MTFR1: variants seen among roughly 807,000 people sequenced by gnomAD.
The protein encoded by MTFR1 is chondrocyte protein with a poly-proline region.
Under a neutral mutation model 38.8 loss-of-function variants are expected in MTFR1, and 28 were observed. That is an observed-to-expected ratio of 0.72 (90% CI 0.53 to 0.99). MTFR1 has a LOEUF of 0.99. Ranked by LOEUF, MTFR1 falls within the 50% of genes least tolerant of loss-of-function variation. The probability of loss-of-function intolerance (pLI) is 0.00; values close to 1 mark genes in which losing one functional copy is unlikely to be tolerated. For synonymous variants in MTFR1, 145 were observed against 137.0 expected, an observed-to-expected ratio of 1.06 and a Z score of -0.41; for missense variants, 358 against 395.5, an observed-to-expected ratio of 0.91 and a Z score of 0.81.
At chr8:65,670,578 G>C (rs1804541941) in intron 2 of MTFR1, among the ~76,000 whole-genome samples, 1 of 152,066 alleles carries the variant, frequency 6.6e-6, no homozygotes, top group South Asian at 2.1e-4. Flanking sequence ...AGCAAGTATT[G>C]TGCCAAGTAC....
chr8:65,753,203 A>G (rs1808049037), intron 3 of MTFR1, among the ~76,000 whole-genome samples: 1 of 152,144 alleles, frequency 6.6e-6, no homozygotes, highest in South Asian at 2.1e-4. Flanking sequence ...CTGCTGTGCC[A>G]GTTTCCTTTT....
chr8:65,669,616 A>G (rs1196887797), intron 1 of MTFR1, among the ~76,000 whole-genome samples: 1 of 151,322 alleles, frequency 6.6e-6, no homozygotes, highest in African/African-American at 2.4e-5. Context: ...CAATGGCGCG[A>G]TCTTGGCTCA....
At chr8:65,681,038 G>T (rs1804869418) in intron 2 of MTFR1, among the ~76,000 whole-genome samples, 1 of 148,994 alleles carries the variant, frequency 6.7e-6, no homozygotes, top group Non-Finnish European at 1.5e-5. Context: ...TCAGCCTCCC[G>T]AGTAGCTGGG....
At chr8:65,674,241 G>T (rs1232693616) in intron 2 of MTFR1, among the ~76,000 whole-genome samples, 1 of 151,456 alleles carries the variant, frequency 6.6e-6, no homozygotes, top group Non-Finnish European at 1.5e-5. Flanking sequence ...CCTTTTAAAT[G>T]AATTTGATAC....
chr8:65,680,256 T>G (rs1442197424), intron 2 of MTFR1, among the ~76,000 whole-genome samples: 1 of 152,150 alleles, frequency 6.6e-6, no homozygotes, highest in Non-Finnish European at 1.5e-5. Flanking sequence ...CTGGAACTCC[T>G]GGGCTCAAGG....
intron 2 of MTFR1, among the ~76,000 whole-genome samples, chr8:65,680,249 G>A (rs1804837487): frequency 6.6e-6 from 1 of 151,976 alleles, no homozygotes; most frequent in Non-Finnish European, 1.5e-5. Context: ...CTGCAGCCTG[G>A]AACTCCTGGG....
intron 3 of MTFR1, among the ~76,000 whole-genome samples, chr8:65,738,429 C>A (rs1013235513): frequency 1.3e-5 from 2 of 152,118 alleles, no homozygotes; most frequent in African/African-American, 4.8e-5. Flanking sequence ...CTCCTATCCA[C>A]CTAAAGGACG....
At chr8:65,708,564 T>A (rs964906918) in intron 7 of MTFR1, among the ~76,000 whole-genome samples, 1 of 152,196 alleles carries the variant, frequency 6.6e-6, no homozygotes. Flanking sequence ...AATTGATACA[T>A]TCCCTTTATT....
intron 3 of MTFR1, chr8:65,689,621 C>A: frequency 7.9e-7 from 1 of 1,267,356 alleles, no homozygotes; most frequent in Non-Finnish European, 1.0e-6. Context: ...TTTTCTTTCT[C>A]AAACTTCCCA....
chr8:65,682,505 A>G (rs1804930055), intron 3 of MTFR1, 54 bp downstream of exon 3: 2 of 969,036 alleles, frequency 2.1e-6, no homozygotes, highest in Admixed American at 4.0e-5. Context: ...TTAGAAATAT[A>G]AATAGGCAAG....
rs553720308 is a variant in MTFR1 at position 65,667,651 on chromosome 8, C to T, written c.-80-2222C>T. On this transcript the variant is annotated intron_variant, in intron 1 of 7. Transcript: ENST00000262146. ...CCATGTTGGCCAGGCTGGTCTTGAA[C>T]TCCTGACTTCAGGCAATCTTCCTGC... is the stretch of plus-strand genomic sequence containing the variant. Among the ~76,000 whole-genome samples the T allele has an allele frequency of 2.3e-4, 35 of 152,250 alleles. 1 individual carries two copies. Among genetic ancestry groups the T allele is most frequent in the African/African-American group, 8.4e-4 (35 of 41,552 alleles).
intron 3 of MTFR1, among the ~76,000 whole-genome samples, chr8:65,688,678 T>A (rs963545197): frequency 2.7e-5 from 4 of 150,358 alleles, no homozygotes; most frequent in Admixed American, 6.6e-5. Flanking sequence ...TCTCCTGACC[T>A]CGTGATCCGC....
intron 3 of MTFR1, among the ~76,000 whole-genome samples, chr8:65,684,145 A>C (rs769219817): frequency 3.3e-4 from 51 of 152,306 alleles, no homozygotes; most frequent in Middle Eastern, 3.4e-3. Context: ...CAATGGACTG[A>C]AGTACTAGAG....
intron 3 of MTFR1, among the ~76,000 whole-genome samples, chr8:65,755,228 C>G (rs1808168941): frequency 6.6e-6 from 1 of 151,880 alleles, no homozygotes; most frequent in African/African-American, 2.4e-5. Context: ...CTCAAGTTGG[C>G]CCAGCTGGTC....
intron 3 of MTFR1, chr8:65,724,313 C>G: frequency 6.2e-7 from 1 of 1,612,926 alleles, no homozygotes. Context: ...ATTCCCACGT[C>G]CGACATGGGT....
chr8:65,723,339 G>A (rs1352939814), intron 3 of MTFR1: 2 of 386,166 alleles, frequency 5.2e-6, no homozygotes, highest in Non-Finnish European at 8.4e-6. Flanking sequence ...TGCCTGTTCT[G>A]CAAAAATATA....
At chr8:65,746,896 C>A (rs145423827) in intron 3 of MTFR1, among the ~76,000 whole-genome samples, 1 of 152,058 alleles carries the variant, frequency 6.6e-6, no homozygotes, top group Non-Finnish European at 1.5e-5. Flanking sequence ...AACTTAAAAA[C>A]TTATCTACAC....
chr8:65,667,646 T>G (rs1804425533), intron 1 of MTFR1, among the ~76,000 whole-genome samples: 1 of 152,136 alleles, frequency 6.6e-6, no homozygotes, highest in South Asian at 2.1e-4. Flanking sequence ...CAGGCTGGTC[T>G]TGAACTCCTG....
chr8:65,662,480 C>A (rs1809458874), intron 1 of MTFR1, among the ~76,000 whole-genome samples: 1 of 149,992 alleles, frequency 6.7e-6, no homozygotes, highest in South Asian at 2.1e-4. Flanking sequence ...TGCCTTGGCC[C>A]CCCAAAGTGC....
Sources: gnomAD v4.1 joint callset for allele counts (sites outside exome capture counted in the v4.1 genomes callset) on GRCh38, gnomAD v4.1.1 for gene constraint, MANE v1.5 for transcripts, NCBI Gene and HGNC (gene_info 2026-07-23, HGNC 2026-07-21) for gene names.